Variants in B4GALT5 observed in about 807,000 individuals in gnomAD.
B4GALT5 encodes UDP-Gal:beta-GlcNAc beta-1,4-galactosyltransferase 5.
Under a neutral mutation model 45.0 loss-of-function variants are expected in B4GALT5, and 11 were observed. The observed-to-expected ratio is 0.24, with a 90% CI of 0.15 to 0.40. B4GALT5 has a LOEUF of 0.40. Ranked by LOEUF, B4GALT5 falls within the 10% of genes least tolerant of loss-of-function variation. The probability of loss-of-function intolerance (pLI) is 1.00; values close to 1 mark genes in which losing one functional copy is unlikely to be tolerated. For synonymous variants in B4GALT5, 185 were observed against 182.9 expected, an observed-to-expected ratio of 1.01 and a Z score of -0.09; for missense variants, 337 against 500.2, an observed-to-expected ratio of 0.67 and a Z score of 3.11.
At chr20:49,642,108 G>A (rs1451179535) in intron 5 of B4GALT5, among the ~76,000 whole-genome samples, 1 of 152,172 alleles carries the variant, frequency 6.6e-6, no homozygotes, top group Non-Finnish European at 1.5e-5. Flanking sequence ...GACATGACAA[G>A]CACTGAGGTC....
At chr20:49,711,201 A>C (rs994046965) in intron 1 of B4GALT5, among the ~76,000 whole-genome samples, 7 of 152,160 alleles carry the variant, frequency 4.6e-5, no homozygotes, top group Non-Finnish European at 8.8e-5. Flanking sequence ...CCCCTTCAGA[A>C]GGCTTACATT....
intron 6 of B4GALT5, 81 bp downstream of exon 6, chr20:49,640,397 G>A: frequency 7.9e-7 from 1 of 1,271,502 alleles, no homozygotes; most frequent in South Asian, 1.6e-5. Flanking sequence ...CATCTAGGTT[G>A]CAGCTAATTA....
At chr20:49,682,549 A>G (rs1423581842) in intron 1 of B4GALT5, among the ~76,000 whole-genome samples, 1 of 152,118 alleles carries the variant, frequency 6.6e-6, no homozygotes, top group Non-Finnish European at 1.5e-5. Flanking sequence ...CGCTGCCCAG[A>G]CAACCACATG....
intron 7 of B4GALT5, 35 bp from the exon 8 acceptor site, chr20:49,637,477 A>C: frequency 6.6e-7 from 1 of 1,506,706 alleles, no homozygotes; most frequent in Non-Finnish European, 9.2e-7. Context: ...TTTTAGATAC[A>C]ACGGTAATAG....
intron 1 of B4GALT5, among the ~76,000 whole-genome samples, chr20:49,658,840 A>C (rs2085653582): frequency 6.6e-6 from 1 of 152,208 alleles, no homozygotes; most frequent in African/African-American, 2.4e-5. Context: ...ACACTTCTAT[A>C]ACCACTGCTC....
intron 6 of B4GALT5, among the ~76,000 whole-genome samples, chr20:49,640,103 C>G (rs2085569949): frequency 6.6e-6 from 1 of 152,200 alleles, no homozygotes; most frequent in African/African-American, 2.4e-5. Flanking sequence ...CTGTCCCCCG[C>G]AAAGCCTTGC....
At chr20:49,650,618 C>T (rs910610095) in intron 2 of B4GALT5, among the ~76,000 whole-genome samples, 1 of 152,106 alleles carries the variant, frequency 6.6e-6, no homozygotes, top group African/African-American at 2.4e-5. Flanking sequence ...GCCTGGGCAA[C>T]AACAGCAAAA....
At chr20:49,667,658 A>G (rs930477764) in intron 1 of B4GALT5, among the ~76,000 whole-genome samples, 13 of 149,988 alleles carry the variant, frequency 8.7e-5, no homozygotes, top group African/African-American at 2.7e-4. Context: ...CAGTCCTCAC[A>G]CTTTGGCCTC....
chr20:49,690,382 A>C (rs2146354103), intron 1 of B4GALT5, among the ~76,000 whole-genome samples: 1 of 152,142 alleles, frequency 6.6e-6, no homozygotes, highest in Non-Finnish European at 1.5e-5. Flanking sequence ...TTAGAAAAGT[A>C]ATGTTTAAAA....
At chr20:49,680,599 C>G (rs6019969) in intron 1 of B4GALT5, among the ~76,000 whole-genome samples, 118,426 of 151,940 alleles carry the variant, frequency 0.78, 46,278 homozygotes, top group Middle Eastern at 0.88. Flanking sequence ...TTAGAAGTTG[C>G]GGAGAAGGGG....
At chr20:49,636,939 G>C (rs1034743747) in intron 8 of B4GALT5, among the ~76,000 whole-genome samples, 67 of 70,856 alleles carry the variant, frequency 9.5e-4, no homozygotes, top group African/African-American at 2.8e-3. Flanking sequence ...CACACACAAA[G>C]AAAGAAAAGG....
At chr20:49,643,922 CTTTTT>C (rs138727530) in intron 3 of B4GALT5, among the ~76,000 whole-genome samples, 4 of 52,154 alleles carry the variant, frequency 7.7e-5, no homozygotes, top group Admixed American at 2.9e-4. Flanking sequence ...AGTAGCTGAG[CTTTTT>C]TTTTTTTTTT....
chr20:49,673,715 C>G (rs1256834914), intron 1 of B4GALT5, among the ~76,000 whole-genome samples: 1 of 152,032 alleles, frequency 6.6e-6, no homozygotes, highest in African/African-American at 2.4e-5. Flanking sequence ...AATAATAGTA[C>G]TTTGATTAAA....
rs2085549513 is a variant in B4GALT5, at chr20:49,635,692, T to C, written c.*620A>G. The C allele has an allele frequency of 6.6e-6, 1 of 152,608 alleles. No homozygotes were observed. Among genetic ancestry groups the C allele is most frequent in the South Asian group, 2.1e-4 (1 of 4,826 alleles). The allele number at this position is 152,608 out of a possible 1,614,324, so 9.5% of individuals were successfully genotyped here. A position where few individuals can be genotyped will look rare whatever the true frequency, so the allele number is the denominator to read the frequency against. Reference sequence around the variant, plus strand: ...TTAAAAAGGCATTTTACATGGCTTATTTACAATTATACTTCTTCAAGAAGT... The same window carrying C: ...TTAAAAAGGCATTTTACATGGCTTACTTACAATTATACTTCTTCAAGAAGT... On this transcript the variant is annotated 3_prime_UTR_variant, in exon 9 of 9. Transcript: ENST00000371711.
chr20:49,713,822 CGCCGCCGCCGCCGCCTCGCCGCTCCCA>C lies in B4GALT5; in HGVS notation c.-159_-133del, dbSNP rs1403392588. The C allele has an allele frequency of 6.6e-6, 1 of 151,342 alleles. No individual in the cohort carries two copies. The highest frequency in any genetic ancestry group is 1.4e-5 in the Non-Finnish European group (1 of 69,604). The allele number at this position is 151,342 out of a possible 1,614,324, so 9.4% of individuals were successfully genotyped here. On this transcript the variant is annotated 5_prime_UTR_variant, in exon 1 of 9. Transcript: ENST00000371711. ...CTCCCGGGCCTCGCGGGCCGCCACTCGCCGCCGCCGCCGCCTCGCCGCTCCCAGCCGCCGGCCGTCGCGGGCCGGGCC... is the reference window on the plus strand; with the variant it reads ...CTCCCGGGCCTCGCGGGCCGCCACTCGCCGCCGGCCGTCGCGGGCCGGGCC...
intron 1 of B4GALT5, among the ~76,000 whole-genome samples, chr20:49,696,305 A>G (rs1465422491): frequency 6.6e-6 from 1 of 152,224 alleles, no homozygotes; most frequent in East Asian, 1.9e-4. Flanking sequence ...AAAGAAAAAA[A>G]CTAATTAGAC....
chr20:49,710,314 A>G (rs889926606), intron 1 of B4GALT5, among the ~76,000 whole-genome samples: 1 of 152,192 alleles, frequency 6.6e-6, no homozygotes, highest in African/African-American at 2.4e-5. Flanking sequence ...AGTGAACTAC[A>G]TGAAACTGCT....
Position 49,634,705 on chromosome 20 carries a change from A to G in B4GALT5, c.*1607T>C, listed in dbSNP as rs2085543165. The G allele has an allele frequency of 6.6e-6, 1 of 152,168 alleles. No individual in the cohort carries two copies. Among genetic ancestry groups the G allele is most frequent in the African/African-American group, 2.4e-5 (1 of 41,402 alleles). The allele number at this position is 152,168 out of a possible 1,614,324, so 9.4% of individuals were successfully genotyped here. A position where few individuals can be genotyped will look rare whatever the true frequency, so the allele number is the denominator to read the frequency against. On this transcript the variant is annotated 3_prime_UTR_variant, in exon 9 of 9. Coordinates refer to ENST00000371711, the MANE Select transcript of B4GALT5 (RefSeq NM_004776.4). Reference sequence around the variant, plus strand: ...ATGGAAGAAACCCCTGTCTCTACTAAAAATACAAAAAATTAGCCAGGTGTG... The same window carrying G: ...ATGGAAGAAACCCCTGTCTCTACTAGAAATACAAAAAATTAGCCAGGTGTG...
intron 1 of B4GALT5, among the ~76,000 whole-genome samples, chr20:49,712,211 T>C (rs2085915859): frequency 6.6e-6 from 1 of 152,160 alleles, no homozygotes; most frequent in African/African-American, 2.4e-5. Flanking sequence ...CCAGGTACAG[T>C]GGTAAGTGCT....
Sources: allele counts gnomAD v4.1 joint callset (sites outside exome capture counted in the v4.1 genomes callset), GRCh38; gene constraint gnomAD v4.1.1; transcripts MANE v1.5; gene names NCBI Gene and HGNC (gene_info 2026-07-23, HGNC 2026-07-21).